The following SLC47A2 variants were observed in gnomAD, a reference collection of about 807,000 sequenced individuals.
SLC47A2 encodes solute carrier family 47 member 2, also known as multidrug and toxin extrusion protein 2.
SLC47A2 carries 52 observed loss-of-function variants against 67.7 expected under a neutral mutation model. That is an observed-to-expected ratio of 0.77 (90% CI 0.61 to 0.97). SLC47A2 has a LOEUF of 0.97. Ranked by LOEUF, SLC47A2 falls within the 50% of genes least tolerant of loss-of-function variation. SLC47A2 has a pLI of 0.00. For synonymous variants in SLC47A2, 278 were observed against 292.9 expected (o/e 0.95, Z 0.52); for missense variants, 676 against 712.3 (o/e 0.95, Z 0.58).
Position 19,683,700 on chromosome 17 carries a change from A to T in SLC47A2, c.1165-2030T>A, listed in dbSNP as rs187055860. Among the ~76,000 whole-genome samples, 21 of 152,324 alleles carry T rather than the reference A, an allele frequency of 1.4e-4. No individual in the cohort carries two copies. In the East Asian group the frequency reaches 3.1e-3, roughly 22 times the overall value. On this transcript the variant is annotated intron_variant, in intron 13 of 16. Coordinates refer to ENST00000433844, the MANE Select transcript of SLC47A2 (RefSeq NM_001099646.3). ...CAGAAGAAAGTAAAAGCCAGGACTC[A>T]CTTGAAAACAGCTGGAACTCTGAAT... is the stretch of plus-strand genomic sequence containing the variant.
rs1451694809 is a variant in SLC47A2, at chr17:19,703,178, C to T, written c.1019-11G>A. The T allele has an allele frequency of 1.9e-6, 3 of 1,613,794 alleles. No homozygotes were observed. The highest frequency in any genetic ancestry group is 1.1e-5 in the South Asian group (1 of 91,080). On this transcript the variant is annotated splice_polypyrimidine_tract_variant and intron_variant, in intron 11 of 16. Coordinates refer to ENST00000433844, the MANE Select transcript of SLC47A2 (RefSeq NM_001099646.3). ...CCAGGGAAATGCCAACTGGAAGAGA[C>T]AAAAGGTGCAGCAATGACAGACCCC...
chr17:19,704,431 C>G (rs1236131077), intron 10 of SLC47A2, among the ~76,000 whole-genome samples: 2 of 152,242 alleles, frequency 1.3e-5, no homozygotes, highest in African/African-American at 4.8e-5. Context: ...CACAGGCAGG[C>G]GGGCCTTGCA....
intron 13 of SLC47A2, among the ~76,000 whole-genome samples, chr17:19,682,844 T>C (rs1384123410): frequency 6.6e-6 from 1 of 152,232 alleles, no homozygotes; most frequent in Non-Finnish European, 1.5e-5. Flanking sequence ...ATCTCAAAGA[T>C]GAGAATTGCT....
chr17:19,710,934 C>T (rs575151525), intron 5 of SLC47A2, among the ~76,000 whole-genome samples: 33 of 151,954 alleles, frequency 2.2e-4, no homozygotes, highest in African/African-American at 5.8e-4. Context: ...CCTCAGCCTC[C>T]GAGTAACTGG....
chr17:19,716,561 G>A lies in SLC47A2; in HGVS notation c.-6C>T. On this transcript the variant is annotated 5_prime_UTR_variant, in exon 1 of 17. Coordinates refer to ENST00000433844, the MANE Select transcript of SLC47A2 (RefSeq NM_001099646.3). ...GTGTCCTGGAGGCTGTCCATTCCTG[G>A]CCGGGGCACTGGCTACCCTGCACGC... 3 of 1,597,996 alleles carry A rather than the reference G, an allele frequency of 1.9e-6. No homozygotes were observed. The highest frequency in any genetic ancestry group is 2.3e-5 in the South Asian group (2 of 87,954).
At chr17:19,689,168 A>C (rs1013912721) in intron 13 of SLC47A2, among the ~76,000 whole-genome samples, 1 of 152,198 alleles carries the variant, frequency 6.6e-6, no homozygotes, top group South Asian at 2.1e-4. Flanking sequence ...CAGCCTCCCA[A>C]AATGCTGGGA....
intron 13 of SLC47A2, among the ~76,000 whole-genome samples, chr17:19,686,250 G>A (rs558881963): frequency 2.0e-5 from 3 of 152,204 alleles, no homozygotes; most frequent in Admixed American, 6.5e-5. Context: ...CTACAAGAGC[G>A]AGACCCTGTC....
At position 19,681,392 on chromosome 17, in the gene SLC47A2, A is replaced by T. The variant is rs1435717867; in HGVS notation, c.1367T>A (p.Leu456Gln). ...TAAFVAYTARLDWKLAAEEAK... is the reference protein window; with the variant it reads ...TAAFVAYTARQDWKLAAEEAK... ...CTCCTCTGCAGCAAGCTTCCAGTCC[A>T]GCCGGGCAGTATAAGCAACAAAGGC... The change falls in exon 15 of 17, where the codon CTG becomes CAG. Residue 456 changes from leucine to glutamine, a missense_variant. Physicochemically the swap from Leu to Gln is moderately radical, Grantham distance 113. Coordinates refer to ENST00000433844, the MANE Select transcript of SLC47A2 (RefSeq NM_001099646.3). The T allele has an allele frequency of 1.2e-6, 2 of 1,611,698 alleles. No homozygotes were observed. The highest frequency in any genetic ancestry group is 3.4e-5 in the Admixed American group (2 of 59,688).
intron 10 of SLC47A2, chr17:19,704,891 T>G (rs2085888981): frequency 2.1e-6 from 1 of 466,252 alleles, no homozygotes; most frequent in Non-Finnish European, 3.7e-6. Context: ...AGTGGCACGA[T>G]CTCGGCTCAC....
chr17:19,714,629 G>A, intron 3 of SLC47A2, 92 bp downstream of exon 3: 1 of 1,470,024 alleles, frequency 6.8e-7, no homozygotes, highest in Non-Finnish European at 9.5e-7. Context: ...AGATCACCTG[G>A]CTGCGCCCCT....
chr17:19,679,367 G>A (rs1198205302), intron 16 of SLC47A2, among the ~76,000 whole-genome samples: 1 of 152,184 alleles, frequency 6.6e-6, no homozygotes, highest in Non-Finnish European at 1.5e-5. Flanking sequence ...GTGCACACAC[G>A]CCTGGCACTC....
chr17:19,686,345 T>A (rs2085428353), intron 13 of SLC47A2, among the ~76,000 whole-genome samples: 1 of 151,934 alleles, frequency 6.6e-6, no homozygotes, highest in Admixed American at 6.6e-5. Flanking sequence ...AAAAGTATAC[T>A]ACCAGAGAAA....
At chr17:19,703,359 G>A (rs1189712402) in intron 11 of SLC47A2, among the ~76,000 whole-genome samples, 192 bp from the exon 12 acceptor site, 1 of 152,238 alleles carries the variant, frequency 6.6e-6, no homozygotes, top group Non-Finnish European at 1.5e-5. Flanking sequence ...TGTAGGAAGG[G>A]CAGTGTGGAA....
Position 19,702,401 on chromosome 17 carries a change from G to A in SLC47A2, c.1164+204C>T, listed in dbSNP as rs2085807859. On this transcript the variant is annotated intron_variant, in intron 13 of 16. Coordinates refer to ENST00000433844, the MANE Select transcript of SLC47A2 (RefSeq NM_001099646.3). Reference sequence around the variant, plus strand: ...CTAATCTGCATTCACTTTTGAGCTCGTGTAAATTGCAGAAGAAGAGGGAAG... The same window carrying A: ...CTAATCTGCATTCACTTTTGAGCTCATGTAAATTGCAGAAGAAGAGGGAAG... The A allele has an allele frequency of 8.1e-6, 8 of 985,298 alleles. No individual in the cohort carries two copies. In the South Asian group the frequency reaches 1.9e-4, roughly 23 times the overall value. The allele number at this position is 985,298 out of a possible 1,614,324, so 61.0% of individuals were successfully genotyped here.
intron 5 of SLC47A2, among the ~76,000 whole-genome samples, chr17:19,709,166 G>C (rs1200222651): frequency 6.6e-6 from 1 of 152,246 alleles, no homozygotes; most frequent in African/African-American, 2.4e-5. Flanking sequence ...CTTAGAGACA[G>C]GATTTGAAGG....
chr17:19,716,692 A>C, upstream of SLC47A2: 1 of 1,308,250 alleles, frequency 7.6e-7, no homozygotes, highest in Non-Finnish European at 1.0e-6. Context: ...AGGGGCTACC[A>C]TGGCAACTTG....
intron 13 of SLC47A2, 69 bp from the exon 14 acceptor site, chr17:19,681,739 C>T: frequency 6.4e-7 from 1 of 1,555,666 alleles, no homozygotes; most frequent in Non-Finnish European, 8.7e-7. Context: ...ATGCAGCAGG[C>T]ACTGTGCTAA....
At chr17:19,709,824 T>C (rs933699353) in intron 5 of SLC47A2, among the ~76,000 whole-genome samples, 8 of 152,106 alleles carry the variant, frequency 5.3e-5, no homozygotes, top group Non-Finnish European at 1.2e-4. Context: ...TACAGGGCAT[T>C]TCCCCCCGAC....
At chr17:19,714,567 G>T (rs1168697464) in intron 3 of SLC47A2, 154 bp downstream of exon 3, 1 of 795,662 alleles carries the variant, frequency 1.3e-6, no homozygotes, top group African/African-American at 1.7e-5. Flanking sequence ...CTGACAGCCT[G>T]TGGTCCTTGG....
Sources: allele counts gnomAD v4.1 joint callset (sites outside exome capture counted in the v4.1 genomes callset), GRCh38; gene constraint gnomAD v4.1.1; transcripts MANE v1.5; gene names NCBI Gene and HGNC (gene_info 2026-07-23, HGNC 2026-07-21).